ARHGEF28: variants seen among roughly 807,000 people sequenced by gnomAD.
The protein encoded by ARHGEF28 is Rho guanine nucleotide exchange factor 28.
ARHGEF28 carries 152 observed loss-of-function variants against 206.6 expected under a neutral mutation model. That is an observed-to-expected ratio of 0.74 (90% CI 0.64 to 0.84). The LOEUF (loss-of-function observed/expected upper bound fraction) is 0.84. ARHGEF28 is among the 40% of genes least tolerant of loss of function. The pLI, the probability that ARHGEF28 is intolerant of heterozygous loss-of-function variation, is 0.00. For synonymous variants in ARHGEF28, 763 were observed against 776.4 expected (o/e 0.98, Z 0.29); for missense variants, 2,028 against 2,073.2 (o/e 0.98, Z 0.42).
chr5:73,939,821 A>C (rs1272526368), intron 35 of ARHGEF28, among the ~76,000 whole-genome samples: 1 of 152,244 alleles, frequency 6.6e-6, no homozygotes, highest in African/African-American at 2.4e-5. Flanking sequence ...ATCCATCTAA[A>C]TAATAGAGGC....
chr5:73,766,009 A>G (rs113557557), intron 4 of ARHGEF28, among the ~76,000 whole-genome samples: 3,693 of 152,110 alleles, frequency 0.024, 148 homozygotes, highest in African/African-American at 0.085. Context: ...AAAATTAGCC[A>G]GGCGCAGTGG....
At chr5:73,748,629 T>C (rs1751865405) in intron 2 of ARHGEF28, among the ~76,000 whole-genome samples, 1 of 152,138 alleles carries the variant, frequency 6.6e-6, no homozygotes, top group African/African-American at 2.4e-5. Context: ...TTCTCCTCTA[T>C]CATAGGGTAA....
chr5:73,901,036 A>T, intron 30 of ARHGEF28, 148 bp from the exon 31 acceptor site: 1 of 624,092 alleles, frequency 1.6e-6, no homozygotes, highest in Non-Finnish European at 2.8e-6. Flanking sequence ...GCGCTCATCC[A>T]AGCACCTCAT....
chr5:73,699,091 T>C (rs1394079257), intron 2 of ARHGEF28, among the ~76,000 whole-genome samples: 2 of 152,116 alleles, frequency 1.3e-5, no homozygotes, highest in African/African-American at 2.4e-5. Flanking sequence ...CATCAAGCTT[T>C]GCTTACAGAT....
At chr5:73,759,588 A>C (rs1752494209) in intron 4 of ARHGEF28, among the ~76,000 whole-genome samples, 1 of 152,336 alleles carries the variant, frequency 6.6e-6, no homozygotes, top group African/African-American at 2.4e-5. Flanking sequence ...GTTATCTAGC[A>C]GTTCTTTTTT....
At chr5:73,875,106 C>T (rs1281703068) in intron 22 of ARHGEF28, among the ~76,000 whole-genome samples, 1 of 149,444 alleles carries the variant, frequency 6.7e-6, no homozygotes, top group African/African-American at 2.5e-5. Context: ...TTAATGATTG[C>T]CATTCTAACT....
At chr5:73,940,544 T>C (rs1742536961) in intron 35 of ARHGEF28, among the ~76,000 whole-genome samples, 1 of 152,182 alleles carries the variant, frequency 6.6e-6, no homozygotes. Context: ...TTCCATGACT[T>C]TCACCCATTT....
Position 73,868,143 on chromosome 5 carries a change from A to G in ARHGEF28, c.2341A>G (p.Asn781Asp). The G allele has an allele frequency of 2.5e-6, 4 of 1,609,142 alleles. No homozygotes were observed. The highest frequency in any genetic ancestry group is 3.4e-6 in the Non-Finnish European group (4 of 1,177,632). ...ATSLESESDH[N>D]SCRSRSHSDE... The stretch of plus-strand genomic sequence containing the variant: ...ATCCTTGGAGTCTGAGAGTGACCAT[A>G]ACAGCTGCAGAAGCAGGTCTCATTC... The change falls in exon 20 of 36, where the codon AAC becomes GAC. Residue 781 changes from asparagine (N) to aspartate (D), a missense_variant. Physicochemically the swap from Asn to Asp is conservative, Grantham distance 23. Transcript: ENST00000513042.
intron 9 of ARHGEF28, among the ~76,000 whole-genome samples, chr5:73,799,302 G>GAATCCCAA (rs1754999269): frequency 6.6e-6 from 1 of 152,136 alleles, no homozygotes; most frequent in Non-Finnish European, 1.5e-5. Flanking sequence ...TGCAAACAAA[G>GAATCCCAA]ATGCATAAAC....
chr5:73,783,825 A>C (rs1321371121), intron 7 of ARHGEF28, among the ~76,000 whole-genome samples: 1 of 152,174 alleles, frequency 6.6e-6, no homozygotes, highest in East Asian at 1.9e-4. Flanking sequence ...TGTTTGGGGC[A>C]GCCAAGTTAA....
intron 33 of ARHGEF28, 142 bp from the exon 34 acceptor site, chr5:73,909,270 G>A (rs1762724914): frequency 7.9e-7 from 1 of 1,269,662 alleles, no homozygotes; most frequent in Non-Finnish European, 1.1e-6. Context: ...TGCCTTTGGA[G>A]GTAACTTAGA....
intron 35 of ARHGEF28, among the ~76,000 whole-genome samples, chr5:73,932,386 T>C (rs1764176034): frequency 6.6e-6 from 1 of 152,124 alleles, no homozygotes; most frequent in Non-Finnish European, 1.5e-5. Context: ...TGGGAGTGAA[T>C]GTCATTCTGA....
intron 1 of ARHGEF28, among the ~76,000 whole-genome samples, chr5:73,637,955 G>T (rs1341492674): frequency 6.6e-6 from 1 of 152,016 alleles, no homozygotes; most frequent in East Asian, 1.9e-4. Context: ...TCCTGTTATG[G>T]TGTTCTAAAT....
chr5:73,677,950 A>G lies in ARHGEF28; in HGVS notation c.-11-6891A>G, dbSNP rs578086793. Among the ~76,000 whole-genome samples, 4 of 152,372 alleles carry G rather than the reference A, an allele frequency of 2.6e-5. No individual in the cohort carries two copies. In the South Asian group the frequency reaches 6.2e-4, roughly 24 times the overall value. ...GAAATATAGAGGGTGGCATTTATATAGTGAAAAGTGACAGCACATCAAGGA... is the reference window on the plus strand; with the variant it reads ...GAAATATAGAGGGTGGCATTTATATGGTGAAAAGTGACAGCACATCAAGGA... On this transcript the variant is annotated intron_variant, in intron 1 of 35. Coordinates refer to ENST00000513042, the MANE Select transcript of ARHGEF28 (RefSeq NM_001177693.2).
chr5:73,803,932 T>TA (rs1755283302), intron 9 of ARHGEF28, among the ~76,000 whole-genome samples: 2 of 151,544 alleles, frequency 1.3e-5, no homozygotes, highest in South Asian at 2.1e-4. Context: ...ACAAAAATTT[T>TA]AAAAAATTAG....
At chr5:73,697,181 A>G (rs1262907095) in intron 2 of ARHGEF28, among the ~76,000 whole-genome samples, 3 of 152,228 alleles carry the variant, frequency 2.0e-5, no homozygotes, top group Non-Finnish European at 4.4e-5. Flanking sequence ...ACTGTAGGGA[A>G]TGAAAAGCTT....
At chr5:73,700,507 G>T (rs967531433) in intron 2 of ARHGEF28, among the ~76,000 whole-genome samples, 1 of 152,132 alleles carries the variant, frequency 6.6e-6, no homozygotes, top group Non-Finnish European at 1.5e-5. Context: ...GGGATAGGTT[G>T]GTCAGTGGGT....
chr5:73,901,778 TTTAA>T, intron 31 of ARHGEF28: 1 of 153,286 alleles, frequency 6.5e-6, no homozygotes, highest in East Asian at 1.9e-4. Context: ...GTGGTTAATT[TTTAA>T]TTAATCTGAC....
intron 9 of ARHGEF28, among the ~76,000 whole-genome samples, chr5:73,803,885 A>C (rs977083835): frequency 6.6e-6 from 1 of 152,052 alleles, no homozygotes; most frequent in East Asian, 1.9e-4. Flanking sequence ...TCACAAGTTC[A>C]AGACCAACCT....
Sources: gnomAD v4.1 joint callset for allele counts (sites outside exome capture counted in the v4.1 genomes callset) on GRCh38, gnomAD v4.1.1 for gene constraint, MANE v1.5 for transcripts, NCBI Gene and HGNC (gene_info 2026-07-23, HGNC 2026-07-21) for gene names.